PPTC7: variants seen among roughly 807,000 people sequenced by gnomAD.
PPTC7 encodes the protein protein phosphatase targeting COQ7, also known as protein phosphatase PTC7 homolog.
PPTC7 carries 6 observed loss-of-function variants against 30.8 expected under a neutral mutation model. The observed-to-expected ratio is 0.19, with a 90% CI of 0.11 to 0.38. The LOEUF is 0.38. PPTC7 is among the 10% of genes least tolerant of loss of function. The probability of loss-of-function intolerance (pLI) is 1.00; values close to 1 mark genes in which losing one functional copy is unlikely to be tolerated. For synonymous variants in PPTC7, 163 were observed against 168.1 expected (o/e 0.97, Z 0.23); for missense variants, 218 against 404.8 (o/e 0.54, Z 3.96).
intron 1 of PPTC7, 145 bp downstream of exon 1, chr12:110,582,664 A>T: frequency 1.4e-6 from 1 of 692,914 alleles, no homozygotes; most frequent in Non-Finnish European, 2.3e-6. Context: ...AGCGCTTGGC[A>T]CGGCGCCTGG....
At chr12:110,569,289 C>T (rs2064513109) in intron 1 of PPTC7, among the ~76,000 whole-genome samples, 1 of 150,260 alleles carries the variant, frequency 6.7e-6, no homozygotes, top group Non-Finnish European at 1.5e-5. Flanking sequence ...GCGGAGATCA[C>T]ACCACTGCCC....
intron 1 of PPTC7, among the ~76,000 whole-genome samples, chr12:110,563,626 A>G (rs2135783973): frequency 6.6e-6 from 1 of 152,352 alleles, no homozygotes; most frequent in South Asian, 2.1e-4. Flanking sequence ...AAAAAAAAAA[A>G]AAAGTGTGAA....
At chr12:110,552,470 C>A (rs780727426) in intron 1 of PPTC7, among the ~76,000 whole-genome samples, 1 of 152,200 alleles carries the variant, frequency 6.6e-6, no homozygotes, top group African/African-American at 2.4e-5. Flanking sequence ...TCTCCTTCTA[C>A]CCTGTAGAGG....
intron 1 of PPTC7, among the ~76,000 whole-genome samples, chr12:110,559,228 T>C (rs754080121): frequency 2.6e-5 from 4 of 151,464 alleles, no homozygotes; most frequent in Non-Finnish European, 5.9e-5. Context: ...TGCGGTCTCA[T>C]TATGTTGCCC....
In PPTC7 at chr12:110,537,031, C is replaced by G. The variant is rs1292423711; in HGVS notation, c.*6G>C. 1 of 1,609,806 alleles carries G rather than the reference C, an allele frequency of 6.2e-7. No homozygotes were observed. The highest frequency in any genetic ancestry group is 8.5e-7 in the Non-Finnish European group (1 of 1,176,490). ...ATGAAAGGAAAGGCAGGACTTGACA[C>G]CTCAGCTAGTCTGTATACTCAGCCA... is the stretch of plus-strand genomic sequence containing the variant. On this transcript the variant is annotated 3_prime_UTR_variant, in exon 6 of 6. Coordinates refer to ENST00000354300, the MANE Select transcript of PPTC7 (RefSeq NM_139283.2).
chr12:110,569,757 T>C (rs953311539), intron 1 of PPTC7, among the ~76,000 whole-genome samples: 2 of 152,272 alleles, frequency 1.3e-5, no homozygotes, highest in African/African-American at 4.8e-5. Flanking sequence ...AAGCCTTCAT[T>C]TCTGGCTTCC....
At chr12:110,549,949 T>C (rs898789774) in intron 2 of PPTC7, among the ~76,000 whole-genome samples, 1 of 152,160 alleles carries the variant, frequency 6.6e-6, no homozygotes, top group Admixed American at 6.5e-5. Flanking sequence ...ACACAGCAAG[T>C]TGACAGAGAG....
At chr12:110,576,340 C>A (rs1331796242) in intron 1 of PPTC7, among the ~76,000 whole-genome samples, 1 of 151,950 alleles carries the variant, frequency 6.6e-6, no homozygotes, top group Non-Finnish European at 1.5e-5. Flanking sequence ...CAAAGTTAAA[C>A]AGGGTTACAA....
intron 3 of PPTC7, among the ~76,000 whole-genome samples, chr12:110,545,620 A>C (rs988039598): frequency 1.3e-5 from 2 of 152,216 alleles, no homozygotes; most frequent in African/African-American, 4.8e-5. Context: ...TTGATATGAA[A>C]AATTGATATT....
At chr12:110,555,978 C>T (rs954199624) in intron 1 of PPTC7, among the ~76,000 whole-genome samples, 12 of 152,160 alleles carry the variant, frequency 7.9e-5, no homozygotes, top group Middle Eastern at 3.2e-3. Flanking sequence ...GGAAGAATTT[C>T]TTCTTAAGTA....
chr12:110,565,763 T>C (rs1202013092), intron 1 of PPTC7, among the ~76,000 whole-genome samples: 1 of 152,186 alleles, frequency 6.6e-6, no homozygotes, highest in Non-Finnish European at 1.5e-5. Context: ...TTCCTGCATA[T>C]GGGAACTTAA....
At position 110,551,223 on chromosome 12, in the gene PPTC7, C is replaced by G. The variant is rs2064347719; in HGVS notation, c.403+566G>C. 2.0e-5 allele frequency among the ~76,000 whole-genome samples: 3 copies of G among 152,300 alleles called. No individual in the cohort carries two copies. The South Asian group carries it at 6.2e-4, about 32-fold the overall frequency. ...GAGTTTCTCTAGTCTAGGGTAAACA[C>G]CTAGAAGTGCAACTGCTGTGGCATA... is the stretch of plus-strand genomic sequence containing the variant. On this transcript the variant is annotated intron_variant, in intron 2 of 5. Coordinates refer to ENST00000354300, the MANE Select transcript of PPTC7 (RefSeq NM_139283.2).
chr12:110,542,711 TA>T lies in PPTC7; in HGVS notation c.603-2767del, dbSNP rs1489471858. On this transcript the variant is annotated intron_variant, in intron 3 of 5. Coordinates refer to ENST00000354300, the MANE Select transcript of PPTC7 (RefSeq NM_139283.2). ...AAAAAAAAAAAAAAGAAAAAGAAACTAAAGAAACTGCTCATAAAGAAACCTT... is the reference window on the plus strand; with the variant it reads ...AAAAAAAAAAAAAAGAAAAAGAAACTAAGAAACTGCTCATAAAGAAACCTT... Among the ~76,000 whole-genome samples the T allele has an allele frequency of 5.7e-3, 598 of 105,174 alleles. 3 individuals are homozygous for T. Among genetic ancestry groups the T allele is most frequent in the African/African-American group, 0.02 (579 of 29,456 alleles). The allele number at this position is 105,174 out of a possible 152,430, so 69.0% of individuals were successfully genotyped here. A position where few individuals can be genotyped will look rare whatever the true frequency, so the allele number is the denominator to read the frequency against.
At chr12:110,568,331 C>T (rs1229839976) in intron 1 of PPTC7, among the ~76,000 whole-genome samples, 3 of 151,186 alleles carry the variant, frequency 2.0e-5, no homozygotes, top group African/African-American at 7.3e-5. Context: ...CGGCTCACTG[C>T]AAGCTCCGCC....
At chr12:110,552,303 GA>G (rs1273679820) in intron 1 of PPTC7, among the ~76,000 whole-genome samples, 2 of 152,210 alleles carry the variant, frequency 1.3e-5, no homozygotes, top group Non-Finnish European at 2.9e-5. Context: ...TTATAAGAAT[GA>G]AAATTGATTT....
At chr12:110,564,618 C>A (rs1228057335) in intron 1 of PPTC7, among the ~76,000 whole-genome samples, 2 of 152,056 alleles carry the variant, frequency 1.3e-5, no homozygotes, top group African/African-American at 2.4e-5. Flanking sequence ...AAATAGGCAC[C>A]CTCTGGGAGA....
chr12:110,564,983 T>C (rs1190396063), intron 1 of PPTC7, among the ~76,000 whole-genome samples: 3 of 151,568 alleles, frequency 2.0e-5, no homozygotes, highest in Non-Finnish European at 4.4e-5. Context: ...TAGGAGACTC[T>C]CCTGCCTCGG....
At chr12:110,548,895 G>T (rs536899911) in intron 2 of PPTC7, among the ~76,000 whole-genome samples, 39 of 152,144 alleles carry the variant, frequency 2.6e-4, no homozygotes, top group Non-Finnish European at 5.1e-4. Flanking sequence ...AATTCCTGAT[G>T]TGTGCACGTG....
At chr12:110,577,653 C>T (rs2064600879) in intron 1 of PPTC7, among the ~76,000 whole-genome samples, 1 of 152,144 alleles carries the variant, frequency 6.6e-6, no homozygotes, top group Non-Finnish European at 1.5e-5. Flanking sequence ...ATCCTGACCA[C>T]GATCAAAATC....
Sources: allele counts gnomAD v4.1 joint callset (sites outside exome capture counted in the v4.1 genomes callset), GRCh38; gene constraint gnomAD v4.1.1; transcripts MANE v1.5; gene names NCBI Gene and HGNC (gene_info 2026-07-23, HGNC 2026-07-21).